The following TTC28 variants were observed in gnomAD, a reference collection of about 807,000 sequenced individuals.
TTC28 encodes the protein tetratricopeptide repeat domain 28.
A neutral mutation model predicts 198.0 loss-of-function variants in TTC28; 61 were observed. That is an observed-to-expected ratio of 0.31 (90% CI 0.25 to 0.38). The LOEUF (loss-of-function observed/expected upper bound fraction) is 0.38. Ranked by LOEUF, TTC28 falls within the 10% of genes least tolerant of loss-of-function variation. The pLI, the probability that TTC28 is intolerant of heterozygous loss-of-function variation, is 1.00. For synonymous variants in TTC28, 1,171 were observed against 1,297.8 expected (o/e 0.90, Z 2.10); for missense variants, 2,678 against 3,164.0 (o/e 0.85, Z 3.69).
intron 2 of TTC28, among the ~76,000 whole-genome samples, chr22:28,320,198 G>C (rs2045423820): frequency 6.6e-6 from 1 of 152,024 alleles, no homozygotes; most frequent in Non-Finnish European, 1.5e-5. Context: ...GGATTGGTAG[G>C]GCAGGGGCAC....
chr22:28,367,541 A>C (rs2046267546), intron 2 of TTC28, among the ~76,000 whole-genome samples: 1 of 152,032 alleles, frequency 6.6e-6, no homozygotes, highest in Admixed American at 6.6e-5. Context: ...GCAAGTGCAA[A>C]CTGAACCCAA....
intron 5 of TTC28, among the ~76,000 whole-genome samples, chr22:28,278,085 T>C (rs2044505038): frequency 6.6e-6 from 1 of 152,078 alleles, no homozygotes; most frequent in African/African-American, 2.4e-5. Flanking sequence ...TATGCTTAAC[T>C]CTCAGCTATT....
chr22:28,439,891 A>C (rs1250268023), intron 2 of TTC28, among the ~76,000 whole-genome samples: 1 of 152,028 alleles, frequency 6.6e-6, no homozygotes, highest in African/African-American at 2.4e-5. Flanking sequence ...GCTGCAGTGC[A>C]ATGGCGTGAT....
At chr22:28,075,399 G>C (rs1230009671) in intron 12 of TTC28, among the ~76,000 whole-genome samples, 1 of 151,890 alleles carries the variant, frequency 6.6e-6, no homozygotes, top group Non-Finnish European at 1.5e-5. Flanking sequence ...TTTTCCTCAA[G>C]CAGATACAGC....
At chr22:28,289,424 T>C (rs1267085404) in intron 5 of TTC28, among the ~76,000 whole-genome samples, 6 of 152,220 alleles carry the variant, frequency 3.9e-5, no homozygotes, top group African/African-American at 1.2e-4. Context: ...AAGGCCTCTG[T>C]GGGCAATTAA....
At chr22:28,678,906 T>C (rs542951030) in intron 1 of TTC28, among the ~76,000 whole-genome samples, 1 of 152,174 alleles carries the variant, frequency 6.6e-6, no homozygotes, top group Admixed American at 6.5e-5. Context: ...GCTTCCCTGC[T>C]GTGGTGAGCC....
chr22:28,537,688 C>A (rs1389472047), intron 2 of TTC28, among the ~76,000 whole-genome samples: 1 of 152,108 alleles, frequency 6.6e-6, no homozygotes, highest in Non-Finnish European at 1.5e-5. Flanking sequence ...TTAAATTTTA[C>A]AAGGAAATAT....
In TTC28 at chr22:28,679,687, G is replaced by C; in HGVS notation, c.37C>G (p.Gln13Glu). ...CGGCTCCTTGCGGGGGTCGGCCCTTGGGTCGGCTCGGGCGCCGGCGGCGGC... is the reference window on the plus strand; with the variant it reads ...CGGCTCCTTGCGGGGGTCGGCCCTTCGGTCGGCTCGGGCGCCGGCGGCGGC... ...QSPPPAPEPT[Q>E]GPTPARSRRR... The change falls in exon 1 of 23, where the codon CAA (glutamine) becomes GAA (glutamate). Residue 13 changes from glutamine (Q) to glutamate (E), a missense_variant. Around this residue, in one of 8 missense-constraint regions of TTC28, gnomAD observed 22 missense variants for 55.0 expected, o/e 0.40. Transcript: ENST00000397906. 1 of 1,312,600 alleles carries C rather than the reference G, an allele frequency of 7.6e-7. No homozygotes were observed. Among genetic ancestry groups the C allele is most frequent in the Non-Finnish European group, 9.7e-7 (1 of 1,033,790 alleles). 81.3% of individuals were successfully genotyped at this position (1,312,600 alleles called of 1,614,324 possible). A position where few individuals can be genotyped will look rare whatever the true frequency, so the allele number is the denominator to read the frequency against.
Position 27,983,244 on chromosome 22 carries a change from T to G in TTC28, c.6423A>C (p.Thr2141=). ...GGGATTTCACGGTACTGTCCGTTTC[T>G]GTGCTAGACTGGTCTGATTCTCCTG... The part of the protein sequence containing the change: ...SDTGESDQSS[T]ETDSTVKSQE... The change falls in exon 23 of 23, where the codon ACA becomes ACC. Residue 2141 remains threonine, a synonymous_variant. Transcript: ENST00000397906. 6.4e-7 allele frequency: 1 copy of G among 1,551,974 alleles called. No individual in the cohort carries two copies. Among genetic ancestry groups the G allele is most frequent in the Non-Finnish European group, 8.7e-7 (1 of 1,147,066 alleles).
At chr22:28,171,622 CAAA>C (rs5844804) in intron 5 of TTC28, among the ~76,000 whole-genome samples, 6 of 104,590 alleles carry the variant, frequency 5.7e-5, no homozygotes, top group Non-Finnish European at 1.0e-4. Context: ...GGCATATTTG[CAAA>C]AAAAAAAAAA....
At chr22:28,338,984 T>A (rs1190433785) in intron 2 of TTC28, among the ~76,000 whole-genome samples, 1 of 152,160 alleles carries the variant, frequency 6.6e-6, no homozygotes, top group African/African-American at 2.4e-5. Context: ...TCTGCTCTGT[T>A]TTTTCCCCAT....
chr22:28,469,327 C>T lies in TTC28; in HGVS notation c.381+160225G>A, dbSNP rs1017177435. On this transcript the variant is annotated intron_variant, in intron 2 of 22. Coordinates refer to ENST00000397906, the MANE Select transcript of TTC28 (RefSeq NM_001145418.2). ...TAGTCTTCAGAAAAAGGGAGAACCACGAAGAACTGCAGAAAGAAAAGTAGC... is the reference window on the plus strand; with the variant it reads ...TAGTCTTCAGAAAAAGGGAGAACCATGAAGAACTGCAGAAAGAAAAGTAGC... Among the ~76,000 whole-genome samples, 3 of 152,190 alleles carry T rather than the reference C, an allele frequency of 2.0e-5. No homozygotes were observed. In the South Asian group the frequency reaches 6.2e-4, roughly 32 times the overall value.
At chr22:28,476,115 A>G (rs780827165) in intron 2 of TTC28, among the ~76,000 whole-genome samples, 3 of 152,154 alleles carry the variant, frequency 2.0e-5, no homozygotes, top group Non-Finnish European at 2.9e-5. Context: ...GACATTACCA[A>G]TAACTTGTTT....
At chr22:28,220,183 C>T (rs570276845) in intron 5 of TTC28, among the ~76,000 whole-genome samples, 2 of 152,364 alleles carry the variant, frequency 1.3e-5, no homozygotes, top group South Asian at 2.1e-4. Flanking sequence ...CACAATTACA[C>T]ATCTAATTAC....
chr22:28,179,160 G>GTTT (rs1163588647), intron 5 of TTC28, among the ~76,000 whole-genome samples: 1 of 145,628 alleles, frequency 6.9e-6, no homozygotes, highest in Non-Finnish European at 1.5e-5. Context: ...TTGTTTTTTT[G>GTTT]TTTTGTTTTT....
intron 1 of TTC28, among the ~76,000 whole-genome samples, chr22:28,645,840 GCAACCTCCA>G (rs2051456501): frequency 6.6e-6 from 1 of 152,080 alleles, no homozygotes; most frequent in Admixed American, 6.6e-5. Flanking sequence ...TCGGCTCACT[GCAACCTCCA>G]CCTCCTGGTT....
intron 2 of TTC28, among the ~76,000 whole-genome samples, chr22:28,625,337 T>C (rs1442354041): frequency 6.6e-6 from 1 of 152,194 alleles, no homozygotes; most frequent in Non-Finnish European, 1.5e-5. Flanking sequence ...AAAATCCTAC[T>C]AGAAATTAAA....
intron 2 of TTC28, among the ~76,000 whole-genome samples, chr22:28,354,115 T>C (rs1157092252): frequency 6.6e-6 from 1 of 152,086 alleles, no homozygotes; most frequent in Non-Finnish European, 1.5e-5. Flanking sequence ...CTGTGGAAAA[T>C]AGTTTGGTGT....
chr22:28,500,847 G>A (rs1050570660), intron 2 of TTC28, among the ~76,000 whole-genome samples: 4 of 152,136 alleles, frequency 2.6e-5, no homozygotes, highest in East Asian at 1.9e-4. Flanking sequence ...GAGGCAAGAG[G>A]AAGATAAACT....
Sources: gnomAD v4.1 joint callset for allele counts (sites outside exome capture counted in the v4.1 genomes callset) on GRCh38, gnomAD v4.1.1 for gene constraint, gnomAD v4.1.1 regional missense constraint, MANE v1.5 for transcripts, NCBI Gene and HGNC (gene_info 2026-07-23, HGNC 2026-07-21) for gene names.